The following ADGRL3 variants were observed in gnomAD, a reference collection of about 807,000 sequenced individuals.
The protein encoded by ADGRL3 is adhesion G protein-coupled receptor L3, also known as calcium-independent alpha-latrotoxin receptor 3.
ADGRL3 carries 62 observed loss-of-function variants against 153.5 expected under a neutral mutation model. The ratio of observed to expected loss-of-function variants is 0.40; its 90% CI spans 0.33 to 0.50. The LOEUF is 0.50. Among genes scored for constraint, ADGRL3 ranks in the 20% least tolerant of loss-of-function variants. The pLI, the probability that ADGRL3 is intolerant of heterozygous loss-of-function variation, is 0.47. For synonymous variants in ADGRL3, 710 were observed against 672.5 expected (o/e 1.06, Z -0.86); for missense variants, 1,641 against 1,859.4 (o/e 0.88, Z 2.16).
intron 1 of ADGRL3, among the ~76,000 whole-genome samples, chr4:61,257,990 C>A (rs1447461121): frequency 6.6e-6 from 1 of 152,126 alleles, no homozygotes; most frequent in Non-Finnish European, 1.5e-5. Context: ...TGAGTACATA[C>A]AGGTTAGGAA....
intron 4 of ADGRL3, among the ~76,000 whole-genome samples, chr4:61,528,764 T>C (rs2152948174): frequency 6.6e-6 from 1 of 152,282 alleles, no homozygotes; most frequent in East Asian, 1.9e-4. Flanking sequence ...TTTTATGCCA[T>C]GCTGCAATAT....
intron 8 of ADGRL3, among the ~76,000 whole-genome samples, chr4:61,780,719 C>G (rs976145716): frequency 6.6e-6 from 1 of 152,154 alleles, no homozygotes; most frequent in East Asian, 1.9e-4. Context: ...AGACCAATCC[C>G]TCTTTCTGAC....
At chr4:61,875,031 A>G (rs1238621022) in intron 9 of ADGRL3, among the ~76,000 whole-genome samples, 2 of 149,854 alleles carry the variant, frequency 1.3e-5, no homozygotes, top group African/African-American at 4.9e-5. Flanking sequence ...GATGGTCTCG[A>G]TCTCCTGACC....
chr4:61,756,634 TG>T (rs2152115090), intron 8 of ADGRL3, among the ~76,000 whole-genome samples: 1 of 152,318 alleles, frequency 6.6e-6, no homozygotes, highest in African/African-American at 2.4e-5. Context: ...CTGATTGCCC[TG>T]GCCAGAACTT....
chr4:61,862,144 T>G (rs1435999360), intron 9 of ADGRL3, among the ~76,000 whole-genome samples: 2 of 152,016 alleles, frequency 1.3e-5, no homozygotes, highest in Admixed American at 6.6e-5. Flanking sequence ...TAAGGTAGAG[T>G]GATAAAACTT....
chr4:61,721,558 C>T (rs773556964), intron 6 of ADGRL3, among the ~76,000 whole-genome samples: 14 of 152,192 alleles, frequency 9.2e-5, no homozygotes, highest in Non-Finnish European at 1.9e-4. Flanking sequence ...CTGCATCTCC[C>T]AGTCCACTGA....
At chr4:61,992,137 C>A (rs1176857109) in intron 19 of ADGRL3, among the ~76,000 whole-genome samples, 2 of 151,890 alleles carry the variant, frequency 1.3e-5, no homozygotes, top group East Asian at 3.9e-4. Context: ...ACTAATTTCA[C>A]AAATTAAATG....
chr4:61,513,245 G>A (rs1194605868), intron 3 of ADGRL3, among the ~76,000 whole-genome samples: 1 of 152,080 alleles, frequency 6.6e-6, no homozygotes, highest in Non-Finnish European at 1.5e-5. Flanking sequence ...AAGTTGGTTA[G>A]AAACAGTACT....
At chr4:61,587,187 G>A in intron 4 of ADGRL3, 40 bp from the exon 5 acceptor site, 2 of 1,400,690 alleles carry the variant, frequency 1.4e-6, no homozygotes, top group Non-Finnish European at 9.9e-7. Context: ...TTTGTATGTA[G>A]TAACGATGGC....
At chr4:61,749,917 A>G (rs2096730325) in intron 8 of ADGRL3, among the ~76,000 whole-genome samples, 2 of 152,106 alleles carry the variant, frequency 1.3e-5, no homozygotes, top group Admixed American at 1.3e-4. Context: ...GAAAAATGGA[A>G]TTCAGGCACA....
chr4:61,861,842 CT>C (rs2098343140), intron 9 of ADGRL3, among the ~76,000 whole-genome samples: 1 of 152,034 alleles, frequency 6.6e-6, no homozygotes, highest in South Asian at 2.1e-4. Flanking sequence ...GGCTTGATTA[CT>C]TGAAGGCCCG....
At chr4:61,936,999 A>G (rs1225214597) in intron 15 of ADGRL3, among the ~76,000 whole-genome samples, 1 of 152,218 alleles carries the variant, frequency 6.6e-6, no homozygotes, top group African/African-American at 2.4e-5. Flanking sequence ...TGGTCTGTAA[A>G]TGTTAGAAAT....
chr4:62,062,184 A>T (rs1383595172), intron 25 of ADGRL3, among the ~76,000 whole-genome samples: 1 of 151,932 alleles, frequency 6.6e-6, no homozygotes, highest in Non-Finnish European at 1.5e-5. Context: ...TTTAACCTGT[A>T]TTTCTCTAAG....
Position 61,967,165 on chromosome 4 carries a change from T to A in ADGRL3, c.2806-12398T>A, listed in dbSNP as rs887495391. Among the ~76,000 whole-genome samples, 4 of 152,178 alleles carry A rather than the reference T, an allele frequency of 2.6e-5. No individual in the cohort carries two copies. In the South Asian group the frequency reaches 8.3e-4, roughly 32 times the overall value. ...ATGTATTAATTTTTTTAATTTTTCTTTCTGTCTTCTGATCCAGACATTTGT... is the reference window on the plus strand; with the variant it reads ...ATGTATTAATTTTTTTAATTTTTCTATCTGTCTTCTGATCCAGACATTTGT... On this transcript the variant is annotated intron_variant, in intron 17 of 26. Transcript: ENST00000683033.
intron 5 of ADGRL3, among the ~76,000 whole-genome samples, chr4:61,593,359 G>GTTGT (rs1053930381): frequency 1.3e-5 from 2 of 151,726 alleles, no homozygotes; most frequent in African/African-American, 2.4e-5. Flanking sequence ...TTTTTTTGTT[G>GTTGT]TTGTTTGTTT....
chr4:61,568,123 T>C (rs533958217), intron 4 of ADGRL3, among the ~76,000 whole-genome samples: 2 of 152,304 alleles, frequency 1.3e-5, no homozygotes, highest in Non-Finnish European at 2.9e-5. Flanking sequence ...TATGTGATTA[T>C]TGTATTATCT....
chr4:61,401,017 A>G (rs1385742259), intron 2 of ADGRL3, among the ~76,000 whole-genome samples: 1 of 151,696 alleles, frequency 6.6e-6, no homozygotes, highest in African/African-American at 2.4e-5. Context: ...AAATAATTAT[A>G]GAATCTGACT....
chr4:61,699,565 T>G (rs72638545), intron 6 of ADGRL3, among the ~76,000 whole-genome samples: 4,050 of 152,196 alleles, frequency 0.027, 77 homozygotes, highest in Non-Finnish European at 0.042. Context: ...AAGCCAATTT[T>G]GAGTTTAAAG....
intron 23 of ADGRL3, among the ~76,000 whole-genome samples, chr4:62,031,904 T>A (rs573666391): frequency 1.3e-5 from 2 of 150,970 alleles, no homozygotes; most frequent in Non-Finnish European, 3.0e-5. Context: ...CCAAATGGAT[T>A]TGTGTATTAG....
Sources: allele counts gnomAD v4.1 joint callset (sites outside exome capture counted in the v4.1 genomes callset), GRCh38; gene constraint gnomAD v4.1.1; transcripts MANE v1.5; gene names NCBI Gene and HGNC (gene_info 2026-07-23, HGNC 2026-07-21).